The following HNRNPR variants were observed in gnomAD, a reference collection of about 807,000 sequenced individuals.
HNRNPR encodes the protein heterogeneous nuclear ribonucleoprotein R.
A neutral mutation model predicts 70.3 loss-of-function variants in HNRNPR; 4 were observed. That is an observed-to-expected ratio of 0.06 (90% CI 0.03 to 0.13). The LOEUF (loss-of-function observed/expected upper bound fraction) is 0.13. Ranked by LOEUF, HNRNPR falls within the 10% of genes least tolerant of loss-of-function variation. The pLI is 1.00. For synonymous variants in HNRNPR, 241 were observed against 267.6 expected (o/e 0.90, Z 0.97); for missense variants, 423 against 788.5 (o/e 0.54, Z 5.55).
chr1:23,335,297 G>A (rs543217674), intron 4 of HNRNPR, among the ~76,000 whole-genome samples: 1 of 152,356 alleles, frequency 6.6e-6, no homozygotes, highest in South Asian at 2.1e-4. Flanking sequence ...GGATTTCACA[G>A]GGATGCATGC....
At position 23,321,423 on chromosome 1, in the gene HNRNPR, C is replaced by T. The variant is rs1645754587; in HGVS notation, c.811+105G>A. 12 of 931,922 alleles carry T rather than the reference C, an allele frequency of 1.3e-5. No homozygotes were observed. In the Admixed American group the frequency reaches 2.1e-4, roughly 16 times the overall value. 57.7% of individuals were successfully genotyped at this position (931,922 alleles called of 1,614,324 possible). A position where few individuals can be genotyped will look rare whatever the true frequency, so the allele number is the denominator to read the frequency against. ...AAGGAAGCAATTTAGATACTTCAGA[C>T]CTGAATTCTTAATTTAATACATACA... is the stretch of plus-strand genomic sequence containing the variant. On this transcript the variant is annotated intron_variant, in intron 7 of 10. Transcript: ENST00000302271.
chr1:23,311,103 T>C (rs1166033647), intron 10 of HNRNPR, 37 bp from the exon 11 acceptor site: 2 of 1,608,440 alleles, frequency 1.2e-6, no homozygotes, highest in Non-Finnish European at 1.7e-6. Context: ...AAAAAACAAA[T>C]CAGTTTGCTT....
intron 5 of HNRNPR, among the ~76,000 whole-genome samples, chr1:23,325,540 C>T (rs1240390721): frequency 1.3e-5 from 2 of 152,174 alleles, no homozygotes; most frequent in Non-Finnish European, 2.9e-5. Context: ...AAACCTCATT[C>T]TAAGGATATC....
chr1:23,337,954 T>C lies in HNRNPR; in HGVS notation c.277-93A>G, dbSNP rs148807859. ...AATTTAAATTTCAGAAAACCAGGAT[T>C]TTAACAAAAGATTTACTGATTCATT... is the stretch of plus-strand genomic sequence containing the variant. On this transcript the variant is annotated intron_variant, in intron 3 of 10. Coordinates refer to ENST00000302271, the MANE Select transcript of HNRNPR (RefSeq NM_005826.5). 4.5e-4 allele frequency: 362 copies of C among 799,828 alleles called. 2 individuals carry two copies. The African/African-American group carries it at 5.9e-3, about 13-fold the overall frequency. 49.5% of individuals were successfully genotyped at this position (799,828 alleles called of 1,614,324 possible). A position where few individuals can be genotyped will look rare whatever the true frequency, so the allele number is the denominator to read the frequency against.
Position 23,318,579 on chromosome 1 carries a change from G to T in HNRNPR, c.921C>A (p.Arg307=). ...EDHKSAAQAR[R]RLMSGKVKVW... ...CTTTTACTTTTCCACTCATCAGCCG[G>T]CGTCTGGCTTGTGCTGCTGACTTGT... Residue 307 remains arginine, a synonymous_variant, in exon 8 of 11, where the codon CGC becomes CGA. Coordinates refer to ENST00000302271, the MANE Select transcript of HNRNPR (RefSeq NM_005826.5). The surrounding 1 kb of genome is among the most constrained non-coding windows in gnomAD (Gnocchi z 4.2). 6.2e-7 allele frequency: 1 copy of T among 1,614,136 alleles called. No homozygotes were observed. Among genetic ancestry groups the T allele is most frequent in the Non-Finnish European group, 8.5e-7 (1 of 1,180,030 alleles).
intron 5 of HNRNPR, among the ~76,000 whole-genome samples, chr1:23,331,069 C>T (rs1252911887): frequency 6.6e-6 from 1 of 152,120 alleles, no homozygotes; most frequent in African/African-American, 2.4e-5. Flanking sequence ...TAGGACTTTG[C>T]TGAAAGTGAT....
Position 23,318,367 on chromosome 1 carries a change from A to G in HNRNPR, c.1017+116T>C, listed in dbSNP as rs1645630148. On this transcript the variant is annotated intron_variant, in intron 8 of 10. Transcript: ENST00000302271. The surrounding 1 kb of genome is among the most constrained non-coding windows in gnomAD (Gnocchi z 4.2). ...GTGTTAAAGCCGCTCCTTGCCAAAC[A>G]GTTGAAGTCTAAAGCTACAATTTCT... The G allele has an allele frequency of 2.4e-6, 2 of 839,758 alleles. No homozygotes were observed. The highest frequency in any genetic ancestry group is 3.4e-5 in the South Asian group (2 of 58,158). 52.0% of individuals were successfully genotyped at this position (839,758 alleles called of 1,614,324 possible).
chr1:23,311,441 T>C lies in HNRNPR; in HGVS notation c.1168-119A>G, dbSNP rs1569882050. 3 of 670,994 alleles carry C rather than the reference T, an allele frequency of 4.5e-6. No individual in the cohort carries two copies. The East Asian group carries it at 8.5e-5, about 19-fold the overall frequency. The allele number at this position is 670,994 out of a possible 1,614,324, so 41.6% of individuals were successfully genotyped here. On this transcript the variant is annotated intron_variant, in intron 9 of 10. Coordinates refer to ENST00000302271, the MANE Select transcript of HNRNPR (RefSeq NM_005826.5). ...ACTTAACAATTTACTTCACAATTAT[T>C]TTAAATGGCAAAAGGTGAATCTAGC...
chr1:23,305,264 A>C lies in HNRNPR; in HGVS notation c.*5190T>G, dbSNP rs1174982721. 1 of 152,220 alleles carries C rather than the reference A, an allele frequency of 6.6e-6. No individual in the cohort carries two copies. The highest frequency in any genetic ancestry group is 2.4e-5 in the African/African-American group (1 of 41,458). 9.4% of individuals were successfully genotyped at this position (152,220 alleles called of 1,614,324 possible). On this transcript the variant is annotated 3_prime_UTR_variant, in exon 11 of 11. Transcript: ENST00000302271. Reference sequence around the variant, plus strand: ...AAACTTCCTAAGGAGCATGCTATTTAGTGCTAAGTTTTATACCCTGATCCT... The same window carrying C: ...AAACTTCCTAAGGAGCATGCTATTTCGTGCTAAGTTTTATACCCTGATCCT...
At chr1:23,335,986 G>A (rs941374837) in intron 4 of HNRNPR, among the ~76,000 whole-genome samples, 48 of 149,048 alleles carry the variant, frequency 3.2e-4, no homozygotes, top group South Asian at 1.1e-3. Flanking sequence ...GCGTAGTGGC[G>A]GGCGCCTGTA....
chr1:23,331,502 A>G (rs1389225109), intron 5 of HNRNPR, among the ~76,000 whole-genome samples: 1 of 151,848 alleles, frequency 6.6e-6, no homozygotes, highest in Non-Finnish European at 1.5e-5. Flanking sequence ...ACCAACATGG[A>G]GAAACCCCTC....
At chr1:23,331,237 A>G (rs1239002581) in intron 5 of HNRNPR, among the ~76,000 whole-genome samples, 1 of 152,100 alleles carries the variant, frequency 6.6e-6, no homozygotes, top group Non-Finnish European at 1.5e-5. Context: ...TACAATTAAC[A>G]TATCAACTAT....
chr1:23,314,492 G>GA (rs745600773), intron 8 of HNRNPR, among the ~76,000 whole-genome samples: 3 of 152,210 alleles, frequency 2.0e-5, no homozygotes, highest in Non-Finnish European at 4.4e-5. Flanking sequence ...CAGAGCACCA[G>GA]AAAATAACAA....
At chr1:23,323,170 A>G (rs1645825623) in intron 6 of HNRNPR, among the ~76,000 whole-genome samples, 1 of 152,174 alleles carries the variant, frequency 6.6e-6, no homozygotes, top group East Asian at 1.9e-4. Context: ...GTCATCCACT[A>G]TTATGTTCCC....
intron 8 of HNRNPR, among the ~76,000 whole-genome samples, chr1:23,316,475 T>G (rs1645551173): frequency 6.6e-6 from 1 of 152,214 alleles, no homozygotes; most frequent in South Asian, 2.1e-4. Flanking sequence ...AACTTCCATC[T>G]GAGCAGTTAC....
Position 23,321,577 on chromosome 1 carries a change from C to A in HNRNPR, c.762G>T (p.Pro254=). 6.2e-7 allele frequency: 1 copy of A among 1,613,570 alleles called. No individual in the cohort carries two copies. Among genetic ancestry groups the A allele is most frequent in the Non-Finnish European group, 8.5e-7 (1 of 1,179,592 alleles). The part of the protein sequence containing the change: ...ANNRLFVGSI[P]KNKTKENILE... Reference sequence around the variant, plus strand: ...AAATGTTTTCTTTAGTCTTATTCTTCGGAATGGATCCAACAAAAAGTCTGT... The same window carrying A: ...AAATGTTTTCTTTAGTCTTATTCTTAGGAATGGATCCAACAAAAAGTCTGT... The change falls in exon 7 of 11, where the codon CCG becomes CCT. Residue 254 remains proline (P), a synonymous_variant. Transcript: ENST00000302271.
Position 23,304,762 on chromosome 1 carries a change from A to G in HNRNPR, c.*5692T>C, listed in dbSNP as rs1178012142. 1.3e-5 allele frequency: 2 copies of G among 152,236 alleles called. No individual in the cohort carries two copies. The highest frequency in any genetic ancestry group is 1.3e-4 in the Admixed American group (2 of 15,290). 9.4% of individuals were successfully genotyped at this position (152,236 alleles called of 1,614,324 possible). ...TCCAATACAGTTATGGTACATGAAC[A>G]CTGTACCAAAAGCATGATTTTTATT... On this transcript the variant is annotated 3_prime_UTR_variant, in exon 11 of 11. Transcript: ENST00000302271.
rs1645280096 is a variant in HNRNPR, at chr1:23,310,290, TAA to T, written c.*162_*163del. 5 of 616,394 alleles carry T rather than the reference TAA, an allele frequency of 8.1e-6. No individual in the cohort carries two copies. Among genetic ancestry groups the T allele is most frequent in the South Asian group, 2.9e-5 (1 of 34,250 alleles). 38.2% of individuals were successfully genotyped at this position (616,394 alleles called of 1,614,324 possible). On this transcript the variant is annotated 3_prime_UTR_variant, in exon 11 of 11. Coordinates refer to ENST00000302271, the MANE Select transcript of HNRNPR (RefSeq NM_005826.5). The surrounding 1 kb of genome is among the most constrained non-coding windows in gnomAD (Gnocchi z 6.0). ...AGAGCATTTATGAAAAGAGGAAAAA[TAA>T]AAAGACTTGAGTATATACACAATAG...
chr1:23,337,367 T>C (rs1187846508), intron 4 of HNRNPR, among the ~76,000 whole-genome samples: 1 of 152,148 alleles, frequency 6.6e-6, no homozygotes, highest in South Asian at 2.1e-4. Flanking sequence ...TTTTGAAAAG[T>C]GAAACTTTCA....
Sources: allele counts gnomAD v4.1 joint callset (sites outside exome capture counted in the v4.1 genomes callset), GRCh38; gene constraint gnomAD v4.1.1; non-coding constraint Gnocchi (gnomAD v3.1); transcripts MANE v1.5; gene names NCBI Gene and HGNC (gene_info 2026-07-23, HGNC 2026-07-21).